The following SCTR variants were observed in gnomAD, a reference collection of about 807,000 sequenced individuals.
SCTR encodes secretin receptor.
Under a neutral mutation model 60.8 loss-of-function variants are expected in SCTR, and 56 were observed. The observed-to-expected ratio is 0.92, with a 90% CI of 0.74 to 1.15. The LOEUF is 1.15. Ranked by LOEUF, SCTR falls within the 50% of genes most tolerant of loss-of-function variation. The probability of loss-of-function intolerance (pLI) is 0.00; values close to 1 mark genes in which losing one functional copy is unlikely to be tolerated. For synonymous variants in SCTR, 202 were observed against 217.0 expected, an observed-to-expected ratio of 0.93 and a Z score of 0.61; for missense variants, 562 against 550.4, an observed-to-expected ratio of 1.02 and a Z score of -0.21.
chr2:119,474,474 G>A (rs1168915528), intron 3 of SCTR, among the ~76,000 whole-genome samples: 2 of 152,168 alleles, frequency 1.3e-5, no homozygotes, highest in African/African-American at 2.4e-5. Flanking sequence ...TCTGTACTCT[G>A]AGCTGCCAAG....
At chr2:119,455,153 G>A (rs1683326297) in intron 7 of SCTR, among the ~76,000 whole-genome samples, 2 of 152,134 alleles carry the variant, frequency 1.3e-5, no homozygotes, top group Non-Finnish European at 2.9e-5. Flanking sequence ...CTACTGAATG[G>A]GCTTCTACCC....
At chr2:119,497,142 A>T (rs1311585768) in intron 1 of SCTR, among the ~76,000 whole-genome samples, 2 of 152,062 alleles carry the variant, frequency 1.3e-5, no homozygotes, top group African/African-American at 4.8e-5. Context: ...TGGGGTTTCC[A>T]CTACCACCGA....
intron 1 of SCTR, among the ~76,000 whole-genome samples, chr2:119,514,235 C>T (rs1225346562): frequency 6.6e-6 from 1 of 152,184 alleles, no homozygotes; most frequent in Non-Finnish European, 1.5e-5. Context: ...CATGTCTAGG[C>T]TGGGTGGTTT....
rs537476033 is a variant in SCTR, at chr2:119,447,976, T to C, written c.1013+713A>G. Among the ~76,000 whole-genome samples, 207 of 152,270 alleles carry C rather than the reference T, an allele frequency of 1.4e-3. 2 individuals are homozygous for C. Among genetic ancestry groups the C allele is most frequent in the African/African-American group, 4.7e-3 (197 of 41,556 alleles). ...CCCAGTATCTCAGAATGTGACTGCATTTGGAGAAAGGTCTTGAAAGAGGAG... is the reference window on the plus strand; with the variant it reads ...CCCAGTATCTCAGAATGTGACTGCACTTGGAGAAAGGTCTTGAAAGAGGAG... On this transcript the variant is annotated intron_variant, in intron 10 of 12. Coordinates refer to ENST00000019103, the MANE Select transcript of SCTR (RefSeq NM_002980.3).
At chr2:119,493,181 G>A (rs111381104) in intron 2 of SCTR, among the ~76,000 whole-genome samples, 10,089 of 152,232 alleles carry the variant, frequency 0.066, 1,115 homozygotes, top group African/African-American at 0.23. Context: ...TTTGTATCTG[G>A]CTTGTTTCAC....
chr2:119,447,791 C>T (rs1682990120), intron 10 of SCTR, among the ~76,000 whole-genome samples: 1 of 152,150 alleles, frequency 6.6e-6, no homozygotes, highest in African/African-American at 2.4e-5. Flanking sequence ...AGGCTGGTCT[C>T]GAACTCCTGA....
At chr2:119,442,540 C>T (rs1308270738) in intron 11 of SCTR, among the ~76,000 whole-genome samples, 4 of 152,212 alleles carry the variant, frequency 2.6e-5, no homozygotes, top group Non-Finnish European at 5.9e-5. Flanking sequence ...GATGAATCAG[C>T]TCATCGATGG....
At chr2:119,450,076 G>A (rs374081172) in intron 9 of SCTR, among the ~76,000 whole-genome samples, 74 of 121,620 alleles carry the variant, frequency 6.1e-4, no homozygotes, top group Middle Eastern at 7.8e-3. Flanking sequence ...AAGAAAGAAA[G>A]AAAAATAAAT....
In SCTR at chr2:119,464,164, G is replaced by A. The variant is rs1313192841; in HGVS notation, c.595C>T (p.Leu199Phe). The A allele has an allele frequency of 6.2e-7, 1 of 1,614,218 alleles. No homozygotes were observed. Among genetic ancestry groups the A allele is most frequent in the Non-Finnish European group, 8.5e-7 (1 of 1,180,030 alleles). Reference sequence around the variant, plus strand: ...TAGGTGACATCATCTGAGGAGAAGAGCACGGCGTCCTTGATGAAGTTGGAC... The same window carrying A: ...TAGGTGACATCATCTGAGGAGAAGAACACGGCGTCCTTGATGAAGTTGGAC... ...ALSNFIKDAVLFSSDDVTYCD... is the reference protein window; with the variant it reads ...ALSNFIKDAVFFSSDDVTYCD... Residue 199 changes from leucine to phenylalanine, a missense_variant, in exon 6 of 13, where the codon CTC (leucine) becomes TTC (phenylalanine). By Grantham distance (22) the Leu-to-Phe change is conservative (BLOSUM62 0). Transcript: ENST00000019103.
intron 7 of SCTR, among the ~76,000 whole-genome samples, chr2:119,457,379 A>G (rs991878828): frequency 2.0e-5 from 3 of 152,210 alleles, no homozygotes; most frequent in East Asian, 1.9e-4. Context: ...AAAAATGATA[A>G]GAAACTGTAA....
rs866726215 is a variant in SCTR, at chr2:119,503,538, C to T, written c.73-8990G>A. 8.5e-5 allele frequency among the ~76,000 whole-genome samples: 13 copies of T among 152,122 alleles called. 1 individual carries two copies. The Middle Eastern group carries it at 0.017, about 200-fold the overall frequency. ...GGGACAGAGTGAGAAATAAATCATTCAATAAATTACATACTATATAATCTC... is the reference window on the plus strand; with the variant it reads ...GGGACAGAGTGAGAAATAAATCATTTAATAAATTACATACTATATAATCTC... On this transcript the variant is annotated intron_variant, in intron 1 of 12. Transcript: ENST00000019103.
chr2:119,487,235 T>A (rs952779519), intron 2 of SCTR: 2 of 152,240 alleles, frequency 1.3e-5, no homozygotes, highest in East Asian at 1.9e-4. Flanking sequence ...ACAGAGCTGG[T>A]GGCTGCATAG....
At chr2:119,464,616 G>A (rs886817766) in intron 5 of SCTR, among the ~76,000 whole-genome samples, 4 of 152,198 alleles carry the variant, frequency 2.6e-5, no homozygotes, top group African/African-American at 7.2e-5. Context: ...GGGCATGGTG[G>A]TGCCTGCCTG....
intron 10 of SCTR, 74 bp from the exon 11 acceptor site, chr2:119,446,959 T>G: frequency 7.5e-7 from 1 of 1,331,864 alleles, no homozygotes; most frequent in East Asian, 2.8e-5. Context: ...CACACAGCTG[T>G]GCCACTCCCC....
At chr2:119,455,179 A>T (rs1573810319) in intron 7 of SCTR, among the ~76,000 whole-genome samples, 1 of 151,998 alleles carries the variant, frequency 6.6e-6, no homozygotes, top group South Asian at 2.1e-4. Context: ...CCAGCCCTCT[A>T]CCCTCTGCCC....
In SCTR at chr2:119,521,923, C is replaced by T. The variant is rs967751735; in HGVS notation, c.72+2232G>A. On this transcript the variant is annotated intron_variant, in intron 1 of 12. Transcript: ENST00000019103. The stretch of plus-strand genomic sequence containing the variant: ...TGTGAGATCTAAGGTCTACAGAAGC[C>T]GTAAAATAACCCAAGGACCACGACT... Among the ~76,000 whole-genome samples the T allele has an allele frequency of 4.6e-5, 7 of 152,162 alleles. No homozygotes were observed. In the East Asian group the frequency reaches 9.6e-4, roughly 21 times the overall value.
intron 1 of SCTR, among the ~76,000 whole-genome samples, chr2:119,500,765 G>A (rs1272228308): frequency 6.6e-6 from 1 of 152,042 alleles, no homozygotes; most frequent in East Asian, 1.9e-4. Flanking sequence ...TTGAATAATG[G>A]GTACAAATAT....
rs780404082 is a variant in SCTR, at chr2:119,452,059, T to C, written c.872A>G (p.Asn291Ser). Residue 291 changes from asparagine to serine, a missense_variant, in exon 9 of 13, where the codon AAC becomes AGC. By Grantham distance (46) the Asn-to-Ser change is conservative. Coordinates refer to ENST00000019103, the MANE Select transcript of SCTR (RefSeq NM_002980.3). ...ACGAATGATCCACCAGATGGATGCG[T>C]TGGCATTGATGTCCCAGCACCTAAG... ...EDVGCWDINA[N>S]ASIWWIIRGP... is the part of the protein sequence containing the mutation. The C allele has an allele frequency of 1.9e-6, 3 of 1,608,036 alleles. No individual in the cohort carries two copies. The highest frequency in any genetic ancestry group is 2.2e-5 in the East Asian group (1 of 44,820).
chr2:119,519,390 A>T (rs1023341690), intron 1 of SCTR, among the ~76,000 whole-genome samples: 4 of 152,146 alleles, frequency 2.6e-5, no homozygotes, highest in African/African-American at 9.7e-5. Flanking sequence ...GTATTTTTTT[A>T]TGTTTCACAA....
Sources: allele counts gnomAD v4.1 joint callset (sites outside exome capture counted in the v4.1 genomes callset), GRCh38; gene constraint gnomAD v4.1.1; transcripts MANE v1.5; gene names NCBI Gene and HGNC (gene_info 2026-07-23, HGNC 2026-07-21).